The following FAM120B variants were observed in gnomAD, a reference collection of about 807,000 sequenced individuals.
The protein encoded by FAM120B is family with sequence similarity 120 member B, also known as constitutive coactivator of peroxisome proliferator-activated receptor gamma.
In FAM120B, 83 loss-of-function variants were observed where a neutral mutation model predicts 96.3. The observed-to-expected ratio is 0.86, with a 90% CI of 0.72 to 1.03. The LOEUF (loss-of-function observed/expected upper bound fraction) is 1.03, where lower values mean the gene tolerates loss of function less well. FAM120B is among the 50% of genes least tolerant of loss of function. The probability of loss-of-function intolerance (pLI) is 0.00; values close to 1 mark genes in which losing one functional copy is unlikely to be tolerated. For synonymous variants in FAM120B, 407 were observed against 402.7 expected (o/e 1.01, Z -0.13); for missense variants, 1,027 against 1,121.2 (o/e 0.92, Z 1.20).
chr6:170,292,176 C>G (rs2114970905), upstream of FAM120B, among the ~76,000 whole-genome samples: 1 of 152,354 alleles, frequency 6.6e-6, no homozygotes, highest in African/African-American at 2.4e-5. The surrounding 1 kb of genome is among the most constrained non-coding windows in gnomAD (Gnocchi z 6.6). Flanking sequence ...CAACCCACAA[C>G]CTTTACACAA....
At chr6:170,361,182 CTATATATATATACGTGTATATATA>C (rs1788338713) in intron 6 of FAM120B, among the ~76,000 whole-genome samples, 4 of 75,504 alleles carry the variant, frequency 5.3e-5, no homozygotes, top group Admixed American at 5.1e-4. Context: ...AGCCTTAAAA[CTATATATATATACGTGTATATATA>C]TATATATATA....
At chr6:170,377,456 G>T (rs1451508535) in intron 6 of FAM120B, among the ~76,000 whole-genome samples, 1 of 17,906 alleles carries the variant, frequency 5.6e-5, no homozygotes, top group African/African-American at 2.2e-4. Flanking sequence ...CACGCTGCTC[G>T]GTGCTGTGCA....
At chr6:170,360,507 A>G (rs968346730) in intron 6 of FAM120B, among the ~76,000 whole-genome samples, 1 of 152,180 alleles carries the variant, frequency 6.6e-6, no homozygotes, top group Non-Finnish European at 1.5e-5. Flanking sequence ...AAGATGCTGT[A>G]GAAAAAGGTT....
intron 2 of FAM120B, among the ~76,000 whole-genome samples, chr6:170,322,872 AGAG>A (rs762417191): frequency 2.6e-5 from 4 of 151,920 alleles, no homozygotes; most frequent in Non-Finnish European, 4.4e-5. Flanking sequence ...ACGTTTGGAG[AGAG>A]GAGGAGGAGG....
chr6:170,383,927 A>G (rs760344750), intron 6 of FAM120B, among the ~76,000 whole-genome samples: 1 of 152,232 alleles, frequency 6.6e-6, no homozygotes, highest in Non-Finnish European at 1.5e-5. Flanking sequence ...GCCATGAAGC[A>G]CAACTCGGCA....
rs1785003476 is a variant in FAM120B, at chr6:170,317,899, A to G, written c.509A>G (p.His170Arg). ...DYEVASYGLQ[H>R]NCLGILGEDT... ...GAGGTAGCTTCCTATGGCCTCCAGC[A>G]TAACTGTCTTGGGATTCTGGGGGAA... The change falls in exon 2 of 11, where the codon CAT (histidine) becomes CGT (arginine). Residue 170 changes from histidine to arginine, a missense_variant. Physicochemically the swap from His to Arg is conservative, Grantham distance 29. Coordinates refer to ENST00000476287, the MANE Select transcript of FAM120B (RefSeq NM_032448.3). 6.2e-7 allele frequency: 1 copy of G among 1,614,106 alleles called. No homozygotes were observed. Among genetic ancestry groups the G allele is most frequent in the Non-Finnish European group, 8.5e-7 (1 of 1,180,032 alleles).
At chr6:170,328,575 C>T (rs1785766977) in intron 3 of FAM120B, among the ~76,000 whole-genome samples, 1 of 152,124 alleles carries the variant, frequency 6.6e-6, no homozygotes, top group South Asian at 2.1e-4. Flanking sequence ...CTTTGCAATT[C>T]CTCTCCTGTT....
intron 5 of FAM120B, among the ~76,000 whole-genome samples, chr6:170,349,585 A>G (rs865943810): frequency 1.1e-4 from 16 of 152,220 alleles, no homozygotes; most frequent in South Asian, 8.3e-4. Context: ...ACATGCACCA[A>G]TGTAAACCTT....
In FAM120B at chr6:170,371,863, G is replaced by T. The variant is rs537912449; in HGVS notation, c.2283+13545G>T. On this transcript the variant is annotated intron_variant, in intron 6 of 10. Coordinates refer to ENST00000476287, the MANE Select transcript of FAM120B (RefSeq NM_032448.3). The stretch of plus-strand genomic sequence containing the variant: ...GCCTGGCGCCAGCTGCCACCCTCAG[G>T]CTTGGAGCAGAGAAGAGATGGAAAC... 2.6e-5 allele frequency among the ~76,000 whole-genome samples: 4 copies of T among 152,316 alleles called. No homozygotes were observed. In the East Asian group the frequency reaches 7.7e-4, roughly 29 times the overall value.
At chr6:170,364,815 G>A (rs1420468930) in intron 6 of FAM120B, among the ~76,000 whole-genome samples, 1 of 152,214 alleles carries the variant, frequency 6.6e-6, no homozygotes, top group Non-Finnish European at 1.5e-5. Flanking sequence ...TCAGATAACT[G>A]TGGTGGCGTT....
intron 9 of FAM120B, among the ~76,000 whole-genome samples, chr6:170,397,364 A>T (rs188821119): frequency 1.2e-4 from 19 of 152,218 alleles, no homozygotes; most frequent in Non-Finnish European, 2.6e-4. Context: ...TGACAAGGTG[A>T]TATTTAAGCA....
At chr6:170,353,275 A>C (rs926349508) in intron 5 of FAM120B, among the ~76,000 whole-genome samples, 1 of 152,188 alleles carries the variant, frequency 6.6e-6, no homozygotes, top group African/African-American at 2.4e-5. Flanking sequence ...ACAAACAAAA[A>C]AAAATCCAGA....
At chr6:170,390,711 A>T (rs1790436337) in intron 7 of FAM120B, among the ~76,000 whole-genome samples, 1 of 152,216 alleles carries the variant, frequency 6.6e-6, no homozygotes, top group Admixed American at 6.5e-5. Flanking sequence ...AATCACCTAA[A>T]TTGTCGTAAT....
At chr6:170,316,111 G>A (rs1784887424) in intron 1 of FAM120B, among the ~76,000 whole-genome samples, 1 of 150,100 alleles carries the variant, frequency 6.7e-6, no homozygotes, top group African/African-American at 2.5e-5. Flanking sequence ...ATAGTCCTGT[G>A]AGGATGCCTT....
At chr6:170,359,869 T>C (rs898070846) in intron 6 of FAM120B, among the ~76,000 whole-genome samples, 2 of 152,220 alleles carry the variant, frequency 1.3e-5, no homozygotes, top group South Asian at 2.1e-4. Context: ...GGCCTTTTTT[T>C]CCTCCATTAA....
At chr6:170,310,345 G>C (rs1290571974) in intron 1 of FAM120B, among the ~76,000 whole-genome samples, 1 of 152,216 alleles carries the variant, frequency 6.6e-6, no homozygotes, top group Non-Finnish European at 1.5e-5. Flanking sequence ...ATAGGCTGGT[G>C]ACTGGGAATA....
chr6:170,330,308 G>A, intron 3 of FAM120B, 141 bp from the exon 4 acceptor site: 1 of 603,340 alleles, frequency 1.7e-6, no homozygotes, highest in Non-Finnish European at 3.0e-6. Flanking sequence ...ATTAATTGTT[G>A]GATAACTTAA....
chr6:170,310,279 G>T (rs2114997471), intron 1 of FAM120B, among the ~76,000 whole-genome samples: 1 of 152,354 alleles, frequency 6.6e-6, no homozygotes, highest in Middle Eastern at 3.4e-3. Flanking sequence ...GTTCTGGGTT[G>T]CTGGGAAAAG....
intron 6 of FAM120B, among the ~76,000 whole-genome samples, chr6:170,368,684 T>C (rs991981517): frequency 6.6e-6 from 1 of 152,260 alleles, no homozygotes; most frequent in Non-Finnish European, 1.5e-5. Context: ...GAATAGTAGA[T>C]GTACTGGTCA....
Sources: allele counts gnomAD v4.1 joint callset (sites outside exome capture counted in the v4.1 genomes callset), GRCh38; gene constraint gnomAD v4.1.1; non-coding constraint Gnocchi (gnomAD v3.1); transcripts MANE v1.5; gene names NCBI Gene and HGNC (gene_info 2026-07-23, HGNC 2026-07-21).